Variants in EML4 observed in about 807,000 individuals in gnomAD.
The protein encoded by EML4 is EMAP like 4, also known as echinoderm microtubule-associated protein-like 4.
Under a neutral mutation model 129.0 loss-of-function variants are expected in EML4, and 72 were observed. That is an observed-to-expected ratio of 0.56 (90% CI 0.46 to 0.68). The LOEUF (loss-of-function observed/expected upper bound fraction) is 0.68, where lower values mean the gene tolerates loss of function less well. EML4 is among the 30% of genes least tolerant of loss of function. EML4 has a pLI of 0.00. For missense variants in EML4, 1,363 were observed against 1,190.6 expected (o/e 1.14, Z -2.13); for synonymous variants, 532 against 405.0 (o/e 1.31, Z -3.77).
At chr2:42,268,215 T>C (rs1666172964) in intron 6 of EML4, among the ~76,000 whole-genome samples, 1 of 152,186 alleles carries the variant, frequency 6.6e-6, no homozygotes, top group African/African-American at 2.4e-5. Context: ...GGTGAACATG[T>C]ATAAACTTTT....
intron 1 of EML4, among the ~76,000 whole-genome samples, chr2:42,199,502 CAT>C (rs1348240439): frequency 2.0e-5 from 3 of 152,130 alleles, no homozygotes; most frequent in Non-Finnish European, 4.4e-5. Context: ...TTGGAGTAAT[CAT>C]ATGTGTGCTG....
intron 9 of EML4, 76 bp from the exon 10 acceptor site, chr2:42,286,193 G>A (rs1667297859): frequency 1.2e-6 from 1 of 836,698 alleles, no homozygotes; most frequent in Non-Finnish European, 2.1e-6. Context: ...TTTTTTAAAT[G>A]GCATTAGTTC....
intron 1 of EML4, among the ~76,000 whole-genome samples, chr2:42,210,039 A>C (rs2104015454): frequency 6.6e-6 from 1 of 152,064 alleles, no homozygotes; most frequent in Admixed American, 6.6e-5. Context: ...TTCCACACAC[A>C]CCCCCCATTC....
intron 1 of EML4, among the ~76,000 whole-genome samples, chr2:42,219,249 T>C (rs922114735): frequency 1.9e-4 from 29 of 152,330 alleles, no homozygotes; most frequent in African/African-American, 5.8e-4. Context: ...TCCACTGATA[T>C]GTGGATTTTT....
intron 6 of EML4, among the ~76,000 whole-genome samples, chr2:42,265,171 A>G (rs1665986559): frequency 6.6e-6 from 1 of 152,232 alleles, no homozygotes; most frequent in South Asian, 2.1e-4. Context: ...GCTTACTGCA[A>G]TCTCCACCTC....
chr2:42,222,649 C>G (rs752302060), intron 1 of EML4, among the ~76,000 whole-genome samples: 3 of 152,056 alleles, frequency 2.0e-5, no homozygotes, highest in Non-Finnish European at 2.9e-5. Context: ...TTTGCTTTTT[C>G]AAAAACAGGA....
At chr2:42,312,293 C>G (rs574546506) in intron 17 of EML4, among the ~76,000 whole-genome samples, 26 of 151,542 alleles carry the variant, frequency 1.7e-4, no homozygotes, top group African/African-American at 5.8e-4. Flanking sequence ...CCTGCCAGGG[C>G]ATTCCAAAAT....
At chr2:42,259,920 C>T (rs780125319) in intron 3 of EML4, among the ~76,000 whole-genome samples, 47 of 151,608 alleles carry the variant, frequency 3.1e-4, no homozygotes, top group Non-Finnish European at 6.3e-4. Context: ...TTAGTAGAGA[C>T]GGGATTTCAC....
chr2:42,264,112 T>TTG lies in EML4; in HGVS notation c.642-593_642-592insGT, dbSNP rs1280335892. On this transcript the variant is annotated intron_variant, in intron 5 of 22. Transcript: ENST00000318522. The stretch of plus-strand genomic sequence containing the variant: ...AACTCAAACAATACGTGTTTTTTTT[T>TTG]TTTTTTTTTTTTTTTTTGAGACAGT... Among the ~76,000 whole-genome samples, 35 of 141,544 alleles carry TTG rather than the reference T, an allele frequency of 2.5e-4. 1 individual carries two copies. Among genetic ancestry groups the TTG allele is most frequent in the African/African-American group, 8.7e-4 (34 of 39,128 alleles). The allele number at this position is 141,544 out of a possible 152,430, so 92.9% of individuals were successfully genotyped here.
At chr2:42,313,893 A>G (rs983828183) in intron 17 of EML4, among the ~76,000 whole-genome samples, 1 of 147,662 alleles carries the variant, frequency 6.8e-6, no homozygotes, top group African/African-American at 2.5e-5. Flanking sequence ...GTGCCACACC[A>G]CTCCATCCAC....
At position 42,259,732 on chromosome 2, in the gene EML4, T is replaced by C. The variant is rs1391564261; in HGVS notation, c.339-1389T>C. Among the ~76,000 whole-genome samples, 164 of 138,048 alleles carry C rather than the reference T, an allele frequency of 1.2e-3. 1 individual carries two copies. In the East Asian group the frequency reaches 0.016, roughly 13 times the overall value. 90.6% of individuals were successfully genotyped at this position (138,048 alleles called of 152,430 possible). On this transcript the variant is annotated intron_variant, in intron 3 of 22. Transcript: ENST00000318522. ...TTTGTTTCTTTCTTTCTTTTTTTTT[T>C]TTTTTTTTTTTTTTTGAGACGGCGT...
intron 1 of EML4, among the ~76,000 whole-genome samples, chr2:42,237,886 G>A (rs764041373): frequency 1.3e-5 from 2 of 152,132 alleles, no homozygotes; most frequent in Non-Finnish European, 2.9e-5. Flanking sequence ...GCATTTTCCT[G>A]TTAAGTACTT....
chr2:42,316,090 C>G (rs780235938), intron 18 of EML4, 40 bp downstream of exon 18: 7 of 1,347,454 alleles, frequency 5.2e-6, no homozygotes, highest in Non-Finnish European at 7.4e-6. Flanking sequence ...ATGGCATTCA[C>G]AGCACTTCAC....
At chr2:42,296,855 T>G (rs1376341292) in intron 13 of EML4, among the ~76,000 whole-genome samples, 1 of 152,164 alleles carries the variant, frequency 6.6e-6, no homozygotes, top group Non-Finnish European at 1.5e-5. Flanking sequence ...CTCCTTGACT[T>G]CTGGATGGCA....
At chr2:42,278,526 C>T (rs1666788370) in intron 6 of EML4, among the ~76,000 whole-genome samples, 1 of 126,796 alleles carries the variant, frequency 7.9e-6, no homozygotes. Flanking sequence ...GTGAGCCGAG[C>T]TCATGCGACT....
intron 17 of EML4, among the ~76,000 whole-genome samples, chr2:42,307,943 C>G (rs1668704249): frequency 6.6e-6 from 1 of 152,198 alleles, no homozygotes; most frequent in African/African-American, 2.4e-5. Context: ...GCGTGAGCCA[C>G]CACGCCCAGC....
intron 9 of EML4, 63 bp downstream of exon 9, chr2:42,284,766 G>T (rs1667196198): frequency 1.7e-6 from 2 of 1,202,742 alleles, no homozygotes; most frequent in Non-Finnish European, 2.3e-6. Context: ...GGAATCTATT[G>T]TAATTTTAAC....
At chr2:42,281,486 C>T (rs1309639948) in intron 7 of EML4, among the ~76,000 whole-genome samples, 2 of 151,316 alleles carry the variant, frequency 1.3e-5, no homozygotes, top group African/African-American at 2.4e-5. Context: ...AAAGGATAAA[C>T]AATATTTTTT....
In EML4 at chr2:42,177,358, C is replaced by T. The variant is rs146271873; in HGVS notation, c.25+7722C>T. On this transcript the variant is annotated intron_variant, in intron 1 of 22. Coordinates refer to ENST00000318522, the MANE Select transcript of EML4 (RefSeq NM_019063.5). Reference sequence around the variant, plus strand: ...TACTTTGAAAATTAAATATGGCTCACGCCTGTAATCCCAACAGTTTGGGAG... The same window carrying T: ...TACTTTGAAAATTAAATATGGCTCATGCCTGTAATCCCAACAGTTTGGGAG... 6.8e-4 allele frequency among the ~76,000 whole-genome samples: 103 copies of T among 151,976 alleles called. No individual in the cohort carries two copies. In the East Asian group the frequency reaches 0.014, roughly 21 times the overall value.
Sources: allele counts gnomAD v4.1 joint callset (sites outside exome capture counted in the v4.1 genomes callset), GRCh38; gene constraint gnomAD v4.1.1; transcripts MANE v1.5; gene names NCBI Gene and HGNC (gene_info 2026-07-23, HGNC 2026-07-21).